The following DNAH6 variants were observed in gnomAD, a reference collection of about 807,000 sequenced individuals.
DNAH6 encodes dynein axonemal heavy chain 6.
DNAH6 carries 340 observed loss-of-function variants against 491.4 expected under a neutral mutation model. That is an observed-to-expected ratio of 0.69 (90% CI 0.63 to 0.76). The LOEUF is 0.76. DNAH6 is among the 30% of genes least tolerant of loss of function. The pLI is 0.00. For missense variants in DNAH6, 4,443 were observed against 4,972.2 expected, an observed-to-expected ratio of 0.89 and a Z score of 3.20; for synonymous variants, 1,603 against 1,686.1, an observed-to-expected ratio of 0.95 and a Z score of 1.21.
At chr2:84,619,967 C>T in intron 24 of DNAH6, 63 bp downstream of exon 24, 2 of 1,345,736 alleles carry the variant, frequency 1.5e-6, no homozygotes, top group South Asian at 1.3e-5. Context: ...GGGTTATTCT[C>T]ACTCTAAGCA....
intron 15 of DNAH6, chr2:84,584,536 A>G (rs1010844645): frequency 2.1e-5 from 6 of 290,140 alleles, no homozygotes; most frequent in Non-Finnish European, 3.9e-5. Flanking sequence ...ATTCTAACCA[A>G]TCAACAATGT....
chr2:84,502,437 A>G, the DNAH6 span, among the ~76,000 whole-genome samples: 1 of 152,212 alleles, frequency 6.6e-6, no homozygotes, highest in Non-Finnish European at 1.5e-5. Flanking sequence ...GTGACCTAAC[A>G]TATCGGCTTT....
At chr2:84,472,123 T>A in the DNAH6 span, among the ~76,000 whole-genome samples, 1 of 152,144 alleles carries the variant, frequency 6.6e-6, no homozygotes. Context: ...TATGGGTTGA[T>A]CTTTTTGTAA....
At position 84,745,187 on chromosome 2, in the gene DNAH6, T is replaced by C. The variant is rs1178386417; in HGVS notation, c.10450T>C (p.Trp3484Arg). 1 of 1,549,430 alleles carries C rather than the reference T, an allele frequency of 6.5e-7. No individual in the cohort carries two copies. Among genetic ancestry groups the C allele is most frequent in the Non-Finnish European group, 8.7e-7 (1 of 1,146,152 alleles). The change falls in exon 63 of 77, where the codon TGG becomes CGG. Residue 3484 changes from tryptophan to arginine, a missense_variant. Trp to Arg is a moderately radical substitution (Grantham distance 101). This residue lies in a region of DNAH6 where 1,463 missense variants were observed against 1,656.6 expected (regional missense o/e 0.88). Transcript: ENST00000389394. Reference sequence around the variant, plus strand: ...AAAGGAGGCAGCACACCAAGATCCATGGAGTGCAGGATTGAGTTCTTTCCA... The same window carrying C: ...AAAGGAGGCAGCACACCAAGATCCACGGAGTGCAGGATTGAGTTCTTTCCA... ...QEKEAAHQDP[W>R]SAGLSSFHKL...
intron 62 of DNAH6, among the ~76,000 whole-genome samples, chr2:84,736,199 C>CCTTT (rs1429878031): frequency 6.6e-6 from 1 of 152,076 alleles, no homozygotes; most frequent in East Asian, 1.9e-4. Flanking sequence ...CTATTCTGTT[C>CCTTT]CATGTGTCTA....
chr2:84,792,172 A>G (rs1279439707), intron 68 of DNAH6, among the ~76,000 whole-genome samples: 1 of 152,206 alleles, frequency 6.6e-6, no homozygotes, highest in African/African-American at 2.4e-5. Context: ...GGCCTCTATA[A>G]TAGTCAAAAG....
chr2:84,658,223 C>A, intron 35 of DNAH6, 69 bp from the exon 36 acceptor site: 1 of 1,119,762 alleles, frequency 8.9e-7, no homozygotes, highest in Non-Finnish European at 1.2e-6. Flanking sequence ...CAGATTTTAA[C>A]CAACCTAATT....
chr2:84,536,745 T>C (rs1255768643), intron 4 of DNAH6, among the ~76,000 whole-genome samples: 2 of 152,022 alleles, frequency 1.3e-5, no homozygotes, highest in Admixed American at 1.3e-4. Flanking sequence ...TTTACAAAGT[T>C]TCTTAGGAGT....
chr2:84,664,638 C>A (rs1691890234), intron 37 of DNAH6, among the ~76,000 whole-genome samples: 1 of 152,106 alleles, frequency 6.6e-6, no homozygotes, highest in South Asian at 2.1e-4. Flanking sequence ...GACTCCCACA[C>A]AATAATAATG....
intron 59 of DNAH6, among the ~76,000 whole-genome samples, chr2:84,720,267 CTTTTTTTTT>C (rs56944137): frequency 4.0e-5 from 2 of 49,480 alleles, no homozygotes; most frequent in South Asian, 1.3e-3. Flanking sequence ...AAGAGTGCTT[CTTTTTTTTT>C]TTTTTTTTTT....
chr2:84,665,977 A>G (rs1000611319), intron 37 of DNAH6, among the ~76,000 whole-genome samples: 5 of 152,210 alleles, frequency 3.3e-5, no homozygotes, highest in Non-Finnish European at 7.3e-5. Flanking sequence ...AATGCATCAT[A>G]TAAACAGAAC....
intron 62 of DNAH6, among the ~76,000 whole-genome samples, chr2:84,744,530 A>G (rs1672787740): frequency 1.3e-5 from 2 of 152,192 alleles, no homozygotes; most frequent in Admixed American, 6.5e-5. Context: ...TATTATTTAT[A>G]GTGTTTGAAT....
intron 63 of DNAH6, among the ~76,000 whole-genome samples, chr2:84,753,207 A>G (rs1342096548): frequency 6.6e-6 from 1 of 152,102 alleles, no homozygotes; most frequent in Admixed American, 6.5e-5. Flanking sequence ...ATTCTTTACC[A>G]TTTTAAACTG....
chr2:84,762,724 A>C, intron 63 of DNAH6, 31 bp from the exon 64 acceptor site: 1 of 1,480,676 alleles, frequency 6.8e-7, no homozygotes, highest in African/African-American at 1.4e-5. Flanking sequence ...ATCCTCATTC[A>C]ACATACTTTT....
At chr2:84,469,229 C>T in the DNAH6 span, among the ~76,000 whole-genome samples, 1 of 152,090 alleles carries the variant, frequency 6.6e-6, no homozygotes, top group African/African-American at 2.4e-5. This position sits in a 1 kb window ranked among gnomAD's most constrained non-coding sequence, Gnocchi z 4.0. Flanking sequence ...AAATTCTTAC[C>T]CTTTTGCCAG....
rs1199678165 is a variant in DNAH6, at chr2:84,745,227, T to A, written c.10490T>A (p.Ile3497Asn). 6.6e-7 allele frequency: 1 copy of A among 1,514,638 alleles called. No homozygotes were observed. The highest frequency in any genetic ancestry group is 8.8e-7 in the Non-Finnish European group (1 of 1,133,810). 93.8% of individuals were successfully genotyped at this position (1,514,638 alleles called of 1,614,324 possible). ...AGTTCTTTCCATAAGCTAATTCTTA[T>A]TAAATGTTGTAAAGAAGAAAAGGTA... ...GLSSFHKLILIKCCKEEKVVF... is the reference protein window; with the variant it reads ...GLSSFHKLILNKCCKEEKVVF... Residue 3497 changes from isoleucine (I) to asparagine (N), a missense_variant, in exon 63 of 77, where the codon ATT becomes AAT. Ile to Asn is a moderately radical substitution (Grantham distance 149). This residue lies in a region of DNAH6 where 1,463 missense variants were observed against 1,656.6 expected (regional missense o/e 0.88). Transcript: ENST00000389394.
intron 11 of DNAH6, 21 bp downstream of exon 11, chr2:84,557,956 ACTATT>A (rs1680234876): frequency 2.0e-6 from 3 of 1,484,788 alleles, no homozygotes; most frequent in Non-Finnish European, 1.9e-6. Context: ...TCTGACTAAA[ACTATT>A]CTATAATATT....
At chr2:84,701,934 G>A (rs1045176015) in intron 49 of DNAH6, among the ~76,000 whole-genome samples, 1 of 152,082 alleles carries the variant, frequency 6.6e-6, no homozygotes, top group Admixed American at 6.5e-5. Context: ...TGGTCTGAGG[G>A]CCTTCTCCTT....
At position 84,705,677 on chromosome 2, in the gene DNAH6, G is replaced by A. The variant is rs1411454507; in HGVS notation, c.8657G>A (p.Arg2886Lys). ...KACKSMCMWV[R>K]AMDLYSRVVK... ...TGTAAATCTATGTGCATGTGGGTAAGAGCTATGGATTTGTACTCTCGAGTG... is the reference window on the plus strand; with the variant it reads ...TGTAAATCTATGTGCATGTGGGTAAAAGCTATGGATTTGTACTCTCGAGTG... Residue 2886 changes from arginine (R) to lysine (K), a missense_variant, in exon 52 of 77, where the codon AGA (arginine) becomes AAA (lysine). This residue lies in a region of DNAH6 where 1,463 missense variants were observed against 1,656.6 expected (regional missense o/e 0.88). Transcript: ENST00000389394. 1 of 1,551,744 alleles carries A rather than the reference G, an allele frequency of 6.4e-7. No homozygotes were observed. The highest frequency in any genetic ancestry group is 2.0e-5 in the Admixed American group (1 of 51,006).
Sources: gnomAD v4.1 joint callset for allele counts (sites outside exome capture counted in the v4.1 genomes callset) on GRCh38, gnomAD v4.1.1 for gene constraint, gnomAD v4.1.1 regional missense constraint, Gnocchi (gnomAD v3.1) non-coding constraint, MANE v1.5 for transcripts, NCBI Gene and HGNC (gene_info 2026-07-23, HGNC 2026-07-21) for gene names.